The following SCAF8 variants were observed in gnomAD, a reference collection of about 807,000 sequenced individuals.
The protein encoded by SCAF8 is SR-related and CTD-associated factor 8.
In SCAF8, 23 loss-of-function variants were observed where a neutral mutation model predicts 140.5. The observed-to-expected ratio is 0.16, with a 90% CI of 0.12 to 0.23. The LOEUF (loss-of-function observed/expected upper bound fraction) is 0.23. Ranked by LOEUF, SCAF8 falls within the 10% of genes least tolerant of loss-of-function variation. The pLI is 1.00. For missense variants in SCAF8, 1,397 were observed against 1,555.7 expected, an observed-to-expected ratio of 0.90 and a Z score of 1.72; for synonymous variants, 575 against 528.9, an observed-to-expected ratio of 1.09 and a Z score of -1.20.
intron 5 of SCAF8, among the ~76,000 whole-genome samples, 200 bp from the exon 6 acceptor site, chr6:154,794,809 G>GTGTGTGTGTGTGT (rs1777550136): frequency 1.2e-5 from 1 of 83,668 alleles, no homozygotes; most frequent in African/African-American, 4.4e-5. Context: ...GTGTGTGTGT[G>GTGTGTGTGTGTGT]TGTGTGTGTG....
chr6:154,819,138 A>G (rs1358990704), intron 14 of SCAF8, among the ~76,000 whole-genome samples: 1 of 151,944 alleles, frequency 6.6e-6, no homozygotes, highest in Non-Finnish European at 1.5e-5. Context: ...GATTTCTGTT[A>G]TTTGAAGTTT....
At chr6:154,808,900 T>C in intron 11 of SCAF8, 102 bp downstream of exon 11, 1 of 773,748 alleles carries the variant, frequency 1.3e-6, no homozygotes, top group Non-Finnish European at 2.1e-6. Context: ...GGATGACATA[T>C]TTTTTCTCAG....
chr6:154,771,873 A>G (rs1301171547), intron 1 of SCAF8, among the ~76,000 whole-genome samples: 2 of 152,182 alleles, frequency 1.3e-5, no homozygotes, highest in Non-Finnish European at 2.9e-5. Flanking sequence ...CCCGAATTCT[A>G]AAATAGAAGT....
In SCAF8 at chr6:154,796,335, T is replaced by A. The variant is rs1411539315; in HGVS notation, c.606+1196T>A. Among the ~76,000 whole-genome samples the A allele has an allele frequency of 2.2e-5, 3 of 139,100 alleles. No individual in the cohort carries two copies. In the East Asian group the frequency reaches 7.2e-4, roughly 33 times the overall value. 91.3% of individuals were successfully genotyped at this position (139,100 alleles called of 152,430 possible). A position where few individuals can be genotyped will look rare whatever the true frequency, so the allele number is the denominator to read the frequency against. ...TGATTACTAGACTTCATTATAATGATTCAGCATTGCAATCCTGTTCTCTCT... is the reference window on the plus strand; with the variant it reads ...TGATTACTAGACTTCATTATAATGAATCAGCATTGCAATCCTGTTCTCTCT... On this transcript the variant is annotated intron_variant, in intron 6 of 19. Coordinates refer to ENST00000367178, the MANE Select transcript of SCAF8 (RefSeq NM_014892.5).
At chr6:154,763,337 T>G (rs1776460002) in intron 1 of SCAF8, among the ~76,000 whole-genome samples, 1 of 152,160 alleles carries the variant, frequency 6.6e-6, no homozygotes, top group Non-Finnish European at 1.5e-5. Flanking sequence ...TCTTTGAAGA[T>G]TTGGGGGATT....
At chr6:154,818,222 A>G (rs1020540253) in intron 13 of SCAF8, among the ~76,000 whole-genome samples, 9 of 152,124 alleles carry the variant, frequency 5.9e-5, no homozygotes, top group African/African-American at 2.2e-4. Flanking sequence ...GCCATGTGAT[A>G]TTTAAGATTT....
intron 6 of SCAF8, among the ~76,000 whole-genome samples, chr6:154,796,424 G>A (rs1163792796): frequency 8.2e-6 from 1 of 121,222 alleles, no homozygotes; most frequent in East Asian, 2.9e-4. Context: ...TCAAATTCAC[G>A]CTATCCTTTG....
chr6:154,749,225 G>A (rs1778781235), intron 1 of SCAF8, among the ~76,000 whole-genome samples: 1 of 152,210 alleles, frequency 6.6e-6, no homozygotes, highest in Non-Finnish European at 1.5e-5. Context: ...ACAGGCATGA[G>A]CCACCGCACC....
chr6:154,759,820 C>T (rs866770039), intron 1 of SCAF8, among the ~76,000 whole-genome samples: 1 of 152,120 alleles, frequency 6.6e-6, no homozygotes, highest in East Asian at 1.9e-4. Context: ...CGCCTGCCAC[C>T]ACGCCCGGCT....
In SCAF8 at chr6:154,759,630, C is replaced by T. The variant is rs1465457881; in HGVS notation, c.31-14359C>T. On this transcript the variant is annotated intron_variant, in intron 1 of 19. Coordinates refer to ENST00000367178, the MANE Select transcript of SCAF8 (RefSeq NM_014892.5). ...TTTATTTTTATTCATACTAATATGACATCTGGATATTAGAATCTCCAGATG... is the reference window on the plus strand; with the variant it reads ...TTTATTTTTATTCATACTAATATGATATCTGGATATTAGAATCTCCAGATG... Among the ~76,000 whole-genome samples, 4 of 151,466 alleles carry T rather than the reference C, an allele frequency of 2.6e-5. 1 individual carries two copies. The highest frequency in any genetic ancestry group is 2.6e-4 in the Admixed American group (4 of 15,212).
intron 12 of SCAF8, among the ~76,000 whole-genome samples, chr6:154,810,504 A>G (rs1778059175): frequency 6.6e-6 from 1 of 152,230 alleles, no homozygotes; most frequent in South Asian, 2.1e-4. Flanking sequence ...GCATGGACAC[A>G]GTGACTTCTG....
chr6:154,752,688 G>C (rs899204181), intron 1 of SCAF8, among the ~76,000 whole-genome samples: 1 of 152,166 alleles, frequency 6.6e-6, no homozygotes, highest in Non-Finnish European at 1.5e-5. Context: ...TGAACAAACA[G>C]CAGACAGTTA....
intron 1 of SCAF8, among the ~76,000 whole-genome samples, chr6:154,765,374 C>CT (rs1776532408): frequency 6.6e-6 from 1 of 152,164 alleles, no homozygotes; most frequent in East Asian, 1.9e-4. Context: ...CTTCTGAAGT[C>CT]ATGTGCTGGG....
intron 1 of SCAF8, among the ~76,000 whole-genome samples, chr6:154,757,774 T>G (rs1205703516): frequency 6.6e-6 from 1 of 152,224 alleles, no homozygotes; most frequent in Admixed American, 6.5e-5. Context: ...CATGTACATA[T>G]GCCTCTGGAT....
chr6:154,824,108 G>GT, intron 16 of SCAF8, 126 bp from the exon 17 acceptor site: 1 of 865,866 alleles, frequency 1.2e-6, no homozygotes, highest in Non-Finnish European at 1.8e-6. Context: ...ACAAAAAGGG[G>GT]GCATAAAACC....
intron 3 of SCAF8, among the ~76,000 whole-genome samples, chr6:154,785,465 G>A (rs1238932642): frequency 6.6e-6 from 1 of 152,138 alleles, no homozygotes; most frequent in Non-Finnish European, 1.5e-5. Flanking sequence ...CAATGCATGG[G>A]TTTGTGGTGC....
chr6:154,810,573 G>T (rs749464137), intron 12 of SCAF8, among the ~76,000 whole-genome samples: 10 of 152,176 alleles, frequency 6.6e-5, no homozygotes, highest in Non-Finnish European at 1.0e-4. Context: ...ATTAAAGGAA[G>T]CATATACTTA....
chr6:154,830,482 C>G (rs1264929383), intron 18 of SCAF8, among the ~76,000 whole-genome samples: 1 of 152,148 alleles, frequency 6.6e-6, no homozygotes, highest in Non-Finnish European at 1.5e-5. Flanking sequence ...GAGTTTCTAA[C>G]TTCATCTGAC....
chr6:154,768,715 T>C (rs1394687149), intron 1 of SCAF8, among the ~76,000 whole-genome samples: 3 of 152,210 alleles, frequency 2.0e-5, no homozygotes, highest in Non-Finnish European at 4.4e-5. Flanking sequence ...TCTGCATGTG[T>C]TTTTAAATTG....
Sources: gnomAD v4.1 joint callset for allele counts (sites outside exome capture counted in the v4.1 genomes callset) on GRCh38, gnomAD v4.1.1 for gene constraint, MANE v1.5 for transcripts, NCBI Gene and HGNC (gene_info 2026-07-23, HGNC 2026-07-21) for gene names.